Variants in CGRRF1 observed in about 807,000 individuals in gnomAD.
The protein encoded by CGRRF1 is cell growth regulator with RING finger domain protein 1.
Under a neutral mutation model 37.2 loss-of-function variants are expected in CGRRF1, and 32 were observed. The observed-to-expected ratio is 0.86, with a 90% confidence interval of 0.65 to 1.16. The LOEUF (loss-of-function observed/expected upper bound fraction) is 1.16. CGRRF1 is among the 50% of genes most tolerant of loss of function. The pLI, the probability that CGRRF1 is intolerant of heterozygous loss-of-function variation, is 0.00. For missense variants in CGRRF1, 391 were observed against 382.6 expected (o/e 1.02, Z -0.18); for synonymous variants, 141 against 140.3 (o/e 1.00, Z -0.04).
intron 1 of CGRRF1, among the ~76,000 whole-genome samples, chr14:54,512,967 A>C (rs2032154478): frequency 6.6e-6 from 1 of 152,228 alleles, no homozygotes; most frequent in Admixed American, 6.5e-5. Flanking sequence ...AGTAGGACTC[A>C]GTGTCCTCTT....
At chr14:54,520,295 G>A (rs1476521179) in intron 1 of CGRRF1, among the ~76,000 whole-genome samples, 1 of 151,074 alleles carries the variant, frequency 6.6e-6, no homozygotes, top group African/African-American at 2.4e-5. Flanking sequence ...GTGTGTGTAT[G>A]TGTGTGTGTG....
At chr14:54,535,720 T>G (rs1416329067) in intron 4 of CGRRF1, among the ~76,000 whole-genome samples, 1 of 152,194 alleles carries the variant, frequency 6.6e-6, no homozygotes, top group Non-Finnish European at 1.5e-5. Flanking sequence ...CTTGCCAGAT[T>G]TCATCTTTAC....
At chr14:54,519,272 G>A (rs2032273772) in intron 1 of CGRRF1, among the ~76,000 whole-genome samples, 1 of 146,496 alleles carries the variant, frequency 6.8e-6, no homozygotes, top group Non-Finnish European at 1.5e-5. Flanking sequence ...GAATCTCTCT[G>A]TGTTGCCCAG....
intron 1 of CGRRF1, among the ~76,000 whole-genome samples, chr14:54,512,341 G>A (rs1018873749): frequency 6.6e-6 from 1 of 152,184 alleles, no homozygotes; most frequent in Non-Finnish European, 1.5e-5. Flanking sequence ...GCATGCAACT[G>A]GAAATATAGT....
chr14:54,525,790 T>C (rs1396018636), intron 2 of CGRRF1, among the ~76,000 whole-genome samples: 1 of 152,174 alleles, frequency 6.6e-6, no homozygotes, highest in East Asian at 1.9e-4. Context: ...TCTAGAGACC[T>C]GATTTAACTT....
At chr14:54,526,484 A>T (rs2032414332) in intron 2 of CGRRF1, among the ~76,000 whole-genome samples, 1 of 151,898 alleles carries the variant, frequency 6.6e-6, no homozygotes, top group Admixed American at 6.6e-5. Context: ...AAAAAAGAAA[A>T]CCAGAGAATC....
intron 1 of CGRRF1, among the ~76,000 whole-genome samples, chr14:54,512,631 G>A (rs1455249376): frequency 1.3e-5 from 2 of 152,196 alleles, no homozygotes; most frequent in Admixed American, 6.5e-5. Context: ...ACAAGGGAGG[G>A]AGACTGGAAA....
chr14:54,536,493 T>C (rs2032603461), intron 4 of CGRRF1: 1 of 152,190 alleles, frequency 6.6e-6, no homozygotes, highest in Admixed American at 6.5e-5. Flanking sequence ...ATTGTACCTT[T>C]TTGGAAAAAA....
At chr14:54,511,134 C>G (rs577882319) in intron 1 of CGRRF1, among the ~76,000 whole-genome samples, 2 of 152,284 alleles carry the variant, frequency 1.3e-5, no homozygotes, top group East Asian at 3.9e-4. Context: ...TTTAAAATAG[C>G]CTTTGGTCAC....
intron 1 of CGRRF1, among the ~76,000 whole-genome samples, chr14:54,513,092 T>A (rs2032156233): frequency 2.0e-5 from 3 of 152,232 alleles, no homozygotes; most frequent in Admixed American, 6.5e-5. Flanking sequence ...AAATAACGGA[T>A]GCATTTTCAG....
intron 1 of CGRRF1, among the ~76,000 whole-genome samples, chr14:54,514,687 A>G (rs1468654658): frequency 6.6e-6 from 1 of 152,216 alleles, no homozygotes; most frequent in Non-Finnish European, 1.5e-5. Context: ...ATAAGTGAGA[A>G]CATGCTGTAT....
intron 2 of CGRRF1, among the ~76,000 whole-genome samples, chr14:54,524,094 A>G (rs1288467379): frequency 1.3e-5 from 2 of 152,042 alleles, no homozygotes; most frequent in Non-Finnish European, 2.9e-5. Context: ...CTTTACTGAA[A>G]TGGCTTTCTC....
chr14:54,527,670 C>A (rs2032435599), intron 2 of CGRRF1, among the ~76,000 whole-genome samples: 1 of 150,538 alleles, frequency 6.6e-6, no homozygotes, highest in Non-Finnish European at 1.5e-5. Context: ...CTTTTTTTTT[C>A]TTTTTACAAA....
chr14:54,521,480 G>A (rs765783683), intron 1 of CGRRF1, among the ~76,000 whole-genome samples: 9 of 151,202 alleles, frequency 6.0e-5, no homozygotes, highest in South Asian at 2.1e-4. Flanking sequence ...AAAAAGTTCC[G>A]TTGTCCCATA....
chr14:54,537,593 T>C lies in CGRRF1; in HGVS notation c.571-129T>C, dbSNP rs1182851927. On this transcript the variant is annotated intron_variant, in intron 4 of 5. Transcript: ENST00000216420. ...ATTTTCTAATTTATCAGCCTTTTAT[T>C]TTTGAGAAGCATTTTTCTTTTTTTT... The C allele has an allele frequency of 1.5e-5, 15 of 1,002,472 alleles. No homozygotes were observed. The East Asian group carries it at 4.6e-4, about 31-fold the overall frequency. The allele number at this position is 1,002,472 out of a possible 1,614,324, so 62.1% of individuals were successfully genotyped here.
chr14:54,523,834 A>G (rs989191071), intron 2 of CGRRF1, among the ~76,000 whole-genome samples: 8 of 152,336 alleles, frequency 5.3e-5, no homozygotes, highest in African/African-American at 1.9e-4. Flanking sequence ...AAGAGTAGGC[A>G]GTCCTAGATA....
chr14:54,510,211 C>G lies in CGRRF1; in HGVS notation c.104+148C>G, dbSNP rs375087695. 40 of 625,444 alleles carry G rather than the reference C, an allele frequency of 6.4e-5. No individual in the cohort carries two copies. In the Middle Eastern group the frequency reaches 1.3e-3, roughly 20 times the overall value. 38.7% of individuals were successfully genotyped at this position (625,444 alleles called of 1,614,324 possible). A position where few individuals can be genotyped will look rare whatever the true frequency, so the allele number is the denominator to read the frequency against. ...CGGGTGCCTAGAACTCCGACTTTCT[C>G]TGGGAGGAAAACAAGGTGGACGCTG... On this transcript the variant is annotated intron_variant, in intron 1 of 5. Coordinates refer to ENST00000216420, the MANE Select transcript of CGRRF1 (RefSeq NM_006568.3).
chr14:54,509,918 G>T lies in CGRRF1; in HGVS notation c.-42G>T, dbSNP rs766642984. On this transcript the variant is annotated 5_prime_UTR_variant, in exon 1 of 6. Transcript: ENST00000216420. ...GCGGGGCTCAGCCGGGCTGGGCTGGGCTCCGCGGCTGGAGCCGGGCTCTAC... is the reference window on the plus strand; with the variant it reads ...GCGGGGCTCAGCCGGGCTGGGCTGGTCTCCGCGGCTGGAGCCGGGCTCTAC... 6.8e-7 allele frequency: 1 copy of T among 1,474,198 alleles called. No homozygotes were observed. Among genetic ancestry groups the T allele is most frequent in the Admixed American group, 1.7e-5 (1 of 59,646 alleles). 91.3% of individuals were successfully genotyped at this position (1,474,198 alleles called of 1,614,324 possible).
intron 2 of CGRRF1, among the ~76,000 whole-genome samples, chr14:54,526,777 T>C (rs1250219627): frequency 6.6e-6 from 1 of 152,206 alleles, no homozygotes; most frequent in African/African-American, 2.4e-5. Context: ...ACAATGTACA[T>C]GGCATGTTTG....
Sources: gnomAD v4.1 joint callset for allele counts (sites outside exome capture counted in the v4.1 genomes callset) on GRCh38, gnomAD v4.1.1 for gene constraint, MANE v1.5 for transcripts, NCBI Gene and HGNC (gene_info 2026-07-23, HGNC 2026-07-21) for gene names.